TSPAN9: variants seen among roughly 807,000 people sequenced by gnomAD.
TSPAN9 encodes tetraspanin 9.
A neutral mutation model predicts 31.0 loss-of-function variants in TSPAN9; 16 were observed. That is an observed-to-expected ratio of 0.52 (90% CI 0.35 to 0.78). The LOEUF (loss-of-function observed/expected upper bound fraction) is 0.78, where lower values mean the gene tolerates loss of function less well. Ranked by LOEUF, TSPAN9 falls within the 30% of genes least tolerant of loss-of-function variation. TSPAN9 has a pLI of 0.01. For missense variants in TSPAN9, 272 were observed against 312.5 expected (o/e 0.87, Z 0.98); for synonymous variants, 145 against 121.6 (o/e 1.19, Z -1.27).
At chr12:3,196,419 C>T (rs151040300) in intron 2 of TSPAN9, among the ~76,000 whole-genome samples, 30 of 152,266 alleles carry the variant, frequency 2.0e-4, no homozygotes, top group African/African-American at 6.5e-4. Flanking sequence ...GTCTGTTAGC[C>T]TGGAAGATTC....
intron 3 of TSPAN9, among the ~76,000 whole-genome samples, chr12:3,212,265 C>T (rs899147062): frequency 2.0e-5 from 3 of 152,054 alleles, no homozygotes; most frequent in South Asian, 2.1e-4. Flanking sequence ...CCACCATGAC[C>T]GGCTTATCTT....
At chr12:3,276,319 T>C (rs1247018141) in intron 3 of TSPAN9, among the ~76,000 whole-genome samples, 2 of 152,226 alleles carry the variant, frequency 1.3e-5, no homozygotes, top group African/African-American at 2.4e-5. Context: ...CTCTGGGACC[T>C]TCCCGTCACA....
At chr12:3,191,609 C>T (rs140465653) in intron 2 of TSPAN9, among the ~76,000 whole-genome samples, 27 of 152,250 alleles carry the variant, frequency 1.8e-4, no homozygotes, top group East Asian at 1.5e-3. Flanking sequence ...TGGAAAGCCC[C>T]GGAAGCCCTC....
At position 3,107,818 on chromosome 12, in the gene TSPAN9, G is replaced by C. The variant is rs566356679; in HGVS notation, c.-18+24099G>C. Among the ~76,000 whole-genome samples, 1 of 152,338 alleles carries C rather than the reference G, an allele frequency of 6.6e-6. No homozygotes were observed. Among genetic ancestry groups the C allele is most frequent in the East Asian group, 1.9e-4 (1 of 5,188 alleles). ...GATATCGCTAGTGCTACCTGGGCAT[G>C]AATTCATTTTTTCCTGGCTTGAGTT... On this transcript the variant is annotated intron_variant, in intron 2 of 8. Transcript: ENST00000011898. This position sits in a 1 kb window ranked among gnomAD's most constrained non-coding sequence, Gnocchi z 4.1.
At chr12:3,180,929 T>G (rs1411481809) in intron 2 of TSPAN9, among the ~76,000 whole-genome samples, 1 of 151,250 alleles carries the variant, frequency 6.6e-6, no homozygotes, top group Non-Finnish European at 1.5e-5. Context: ...GCCAGGCGCT[T>G]AGGTGGTGCT....
chr12:3,089,523 C>T lies in TSPAN9; in HGVS notation c.-18+5804C>T, dbSNP rs1481470567. On this transcript the variant is annotated intron_variant, in intron 2 of 8. Transcript: ENST00000011898. The stretch of plus-strand genomic sequence containing the variant: ...TGTTGGCCAGGGTGGTCTCGATCTC[C>T]TGACCTCGTGATCCGCCCTCCTTGG... 9.9e-5 allele frequency among the ~76,000 whole-genome samples: 15 copies of T among 151,936 alleles called. No homozygotes were observed. The East Asian group carries it at 2.8e-3, about 28-fold the overall frequency.
intron 1 of TSPAN9, among the ~76,000 whole-genome samples, chr12:3,082,110 A>T (rs1173249989): frequency 2.0e-5 from 3 of 152,174 alleles, no homozygotes; most frequent in Non-Finnish European, 4.4e-5. Flanking sequence ...GGCTCGAAAG[A>T]TGACAGTTCA....
intron 2 of TSPAN9, among the ~76,000 whole-genome samples, chr12:3,095,701 C>T (rs1217080525): frequency 1.1e-4 from 16 of 150,544 alleles, no homozygotes; most frequent in Non-Finnish European, 1.9e-4. Context: ...CCAGATGGGG[C>T]GGCGGGGCAG....
rs191082350 is a variant in TSPAN9, at chr12:3,165,832, C to T, written c.-17-35345C>T. ...GAATCTGCTGCATCATTGGAGTTGC[C>T]GAGCTCCCAGGGGTGTCTTAAGTCT... On this transcript the variant is annotated intron_variant, in intron 2 of 8. Transcript: ENST00000011898. 5.3e-4 allele frequency among the ~76,000 whole-genome samples: 81 copies of T among 152,254 alleles called. No homozygotes were observed. The East Asian group carries it at 0.013, about 25-fold the overall frequency.
chr12:3,196,710 G>A (rs1385606549), intron 2 of TSPAN9, among the ~76,000 whole-genome samples: 1 of 152,188 alleles, frequency 6.6e-6, no homozygotes, highest in Non-Finnish European at 1.5e-5. Context: ...CCTTTGACAA[G>A]TGTGACCAGA....
intron 2 of TSPAN9, among the ~76,000 whole-genome samples, chr12:3,190,043 T>C (rs1043415757): frequency 6.6e-6 from 1 of 152,154 alleles, no homozygotes; most frequent in Non-Finnish European, 1.5e-5. Context: ...GGGGCGCTGG[T>C]TCTTCTCCAT....
At chr12:3,277,472 G>A (rs1213413926) in intron 3 of TSPAN9, among the ~76,000 whole-genome samples, 1 of 152,182 alleles carries the variant, frequency 6.6e-6, no homozygotes, top group African/African-American at 2.4e-5. Context: ...GAGGCCCCTG[G>A]AAAACAGGTC....
chr12:3,158,100 T>C (rs749468507), intron 2 of TSPAN9, among the ~76,000 whole-genome samples: 2 of 152,240 alleles, frequency 1.3e-5, no homozygotes, highest in Non-Finnish European at 2.9e-5. Context: ...GGGTTTCCTC[T>C]TCTTGCTTTC....
intron 1 of TSPAN9, among the ~76,000 whole-genome samples, chr12:3,081,190 C>T (rs1238185846): frequency 2.0e-5 from 3 of 152,160 alleles, no homozygotes; most frequent in Non-Finnish European, 4.4e-5. Flanking sequence ...TATTTATAAC[C>T]TCGTGGAGGA....
rs938011014 is a variant in TSPAN9, at chr12:3,143,655, T to G, written c.-17-57522T>G. ...ATATATTTTATCCTATAGGTTAGAG[T>G]TACAGGAACAGCACAATAGATATTT... On this transcript the variant is annotated intron_variant, in intron 2 of 8. Coordinates refer to ENST00000011898, the MANE Select transcript of TSPAN9 (RefSeq NM_006675.5). This position sits in a 1 kb window ranked among gnomAD's most constrained non-coding sequence, Gnocchi z 4.2. 2.0e-5 allele frequency among the ~76,000 whole-genome samples: 3 copies of G among 152,336 alleles called. No individual in the cohort carries two copies. Among genetic ancestry groups the G allele is most frequent in the Non-Finnish European group, 2.9e-5 (2 of 68,038 alleles).
chr12:3,104,467 C>T (rs1467895725), intron 2 of TSPAN9, among the ~76,000 whole-genome samples: 1 of 152,122 alleles, frequency 6.6e-6, no homozygotes, highest in Non-Finnish European at 1.5e-5. Flanking sequence ...ATCCTCCCAC[C>T]TCAGCCTCCT....
intron 2 of TSPAN9, among the ~76,000 whole-genome samples, chr12:3,146,271 G>T (rs2098337200): frequency 6.6e-6 from 1 of 152,224 alleles, no homozygotes; most frequent in South Asian, 2.1e-4. Flanking sequence ...AGGGGATGGA[G>T]CCCGTTGGAG....
chr12:3,240,649 G>C (rs1232699674), intron 3 of TSPAN9, among the ~76,000 whole-genome samples: 1 of 152,164 alleles, frequency 6.6e-6, no homozygotes, highest in Non-Finnish European at 1.5e-5. Context: ...TGAGGGAGTA[G>C]GTGTTTAAAC....
At chr12:3,279,160 A>T (rs562334574) in intron 5 of TSPAN9, 94 bp downstream of exon 5, 1 of 1,127,458 alleles carries the variant, frequency 8.9e-7, no homozygotes, top group Non-Finnish European at 1.3e-6. Context: ...CCAGAGGAAG[A>T]GTGCTGGCAA....
Sources: allele counts gnomAD v4.1 joint callset (sites outside exome capture counted in the v4.1 genomes callset), GRCh38; gene constraint gnomAD v4.1.1; non-coding constraint Gnocchi (gnomAD v3.1); transcripts MANE v1.5; gene names NCBI Gene and HGNC (gene_info 2026-07-23, HGNC 2026-07-21).